The following COL23A1 variants were observed in gnomAD, a reference collection of about 807,000 sequenced individuals.
The protein encoded by COL23A1 is collagen type XXIII alpha 1 chain, also known as collagen alpha-1(XXIII) chain.
Under a neutral mutation model 99.3 loss-of-function variants are expected in COL23A1, and 97 were observed. The observed-to-expected ratio is 0.98, with a 90% CI of 0.83 to 1.16. COL23A1 has a LOEUF of 1.16. Ranked by LOEUF, COL23A1 falls within the 50% of genes most tolerant of loss-of-function variation. The pLI, the probability that COL23A1 is intolerant of heterozygous loss-of-function variation, is 0.00. For missense variants in COL23A1, 762 were observed against 757.4 expected, an observed-to-expected ratio of 1.01 and a Z score of -0.07; for synonymous variants, 320 against 308.2, an observed-to-expected ratio of 1.04 and a Z score of -0.40.
intron 2 of COL23A1, among the ~76,000 whole-genome samples, chr5:178,516,633 T>C (rs554120010): frequency 1.3e-5 from 2 of 152,344 alleles, no homozygotes; most frequent in East Asian, 1.9e-4. Context: ...CACGTACTGT[T>C]TGGTCTGACT....
chr5:178,324,525 C>A (rs1169197631), intron 2 of COL23A1, among the ~76,000 whole-genome samples: 1 of 152,084 alleles, frequency 6.6e-6, no homozygotes, highest in African/African-American at 2.4e-5. Context: ...GGAGCAGTGC[C>A]CAGTCCTGTT....
At chr5:178,261,808 C>CAGAAA in intron 10 of COL23A1, 60 bp from the exon 11 acceptor site, 1 of 1,370,622 alleles carries the variant, frequency 7.3e-7, no homozygotes, top group South Asian at 1.2e-5. Context: ...TGGGCCTGTC[C>CAGAAA]TTCTTAGCAT....
rs149403144 is a variant in COL23A1 at position 178,413,426 on chromosome 5, TAGAA to T, written c.362-106511_362-106508del. Among the ~76,000 whole-genome samples the T allele has an allele frequency of 8.7e-3, 1,327 of 152,320 alleles. 15 individuals carry two copies. The highest frequency in any genetic ancestry group is 0.03 in the African/African-American group (1,256 of 41,566). On this transcript the variant is annotated intron_variant, in intron 2 of 28. Transcript: ENST00000390654. ...ACCTTGAATTCAACGAGTCCTTTGATAGAAAGACAGAACTTTCTCAGTAAACTTT... is the reference window on the plus strand; with the variant it reads ...ACCTTGAATTCAACGAGTCCTTTGATAGACAGAACTTTCTCAGTAAACTTT...
In COL23A1 at chr5:178,384,608, G is replaced by A. The variant is rs1043733869; in HGVS notation, c.362-77689C>T. On this transcript the variant is annotated intron_variant, in intron 2 of 28. Coordinates refer to ENST00000390654, the MANE Select transcript of COL23A1 (RefSeq NM_173465.4). This position sits in a 1 kb window ranked among gnomAD's most constrained non-coding sequence, Gnocchi z 5.5. ...ATTCTGCTCCTGCCTCAGAGATCAC[G>A]GTTTGACATGGGAAACCAAGGCTCA... Among the ~76,000 whole-genome samples, 1 of 152,138 alleles carries A rather than the reference G, an allele frequency of 6.6e-6. No individual in the cohort carries two copies. The highest frequency in any genetic ancestry group is 2.1e-4 in the South Asian group (1 of 4,824).
At chr5:178,305,784 C>T (rs890917615) in intron 3 of COL23A1, among the ~76,000 whole-genome samples, 6 of 151,694 alleles carry the variant, frequency 4.0e-5, no homozygotes, top group Non-Finnish European at 5.9e-5. Flanking sequence ...CAGGAGGTCA[C>T]GGCAGTGAGA....
chr5:178,440,055 T>TG (rs1316628281), intron 2 of COL23A1: 1 of 152,176 alleles, frequency 6.6e-6, no homozygotes, highest in Non-Finnish European at 1.5e-5. Context: ...GGGCGCTTTT[T>TG]GGGGTGATGG....
intron 2 of COL23A1, among the ~76,000 whole-genome samples, chr5:178,330,367 C>T (rs777202392): frequency 2.0e-5 from 3 of 152,166 alleles, no homozygotes; most frequent in Admixed American, 6.5e-5. Flanking sequence ...GGGTGCAGAT[C>T]GAGCTATGGC....
intron 2 of COL23A1, among the ~76,000 whole-genome samples, chr5:178,325,808 G>T (rs1418316476): frequency 6.6e-6 from 1 of 152,232 alleles, no homozygotes; most frequent in African/African-American, 2.4e-5. Flanking sequence ...TGTCCACAGC[G>T]GCCTGTGCCT....
chr5:178,403,498 C>T (rs1315423116), intron 2 of COL23A1, among the ~76,000 whole-genome samples: 2 of 152,228 alleles, frequency 1.3e-5, no homozygotes, highest in Admixed American at 6.5e-5. Context: ...TCGATGGTGT[C>T]CACTCAGCCA....
intron 2 of COL23A1, among the ~76,000 whole-genome samples, chr5:178,534,879 T>G (rs982568052): frequency 6.6e-6 from 1 of 151,990 alleles, no homozygotes; most frequent in Non-Finnish European, 1.5e-5. Context: ...CCATAAAAAC[T>G]CTACCAGGTA....
intron 1 of COL23A1, among the ~76,000 whole-genome samples, chr5:178,567,795 G>A (rs73344490): frequency 0.029 from 4,366 of 152,194 alleles, 246 homozygotes; most frequent in African/African-American, 0.1. Flanking sequence ...ATAACGCAAA[G>A]AATAAATTAA....
chr5:178,412,858 C>G (rs1466587524), intron 2 of COL23A1, among the ~76,000 whole-genome samples: 2 of 152,084 alleles, frequency 1.3e-5, no homozygotes. Context: ...AAGCAGTTTT[C>G]TCAGAAATGC....
intron 2 of COL23A1, among the ~76,000 whole-genome samples, chr5:178,558,562 A>G (rs1762398024): frequency 6.6e-6 from 1 of 152,168 alleles, no homozygotes; most frequent in African/African-American, 2.4e-5. Context: ...CTTCTGTGCC[A>G]GCTCACAATT....
chr5:178,252,715 G>T, intron 16 of COL23A1, 118 bp from the exon 17 acceptor site: 2 of 828,730 alleles, frequency 2.4e-6, no homozygotes, highest in Non-Finnish European at 3.8e-6. Context: ...CAGGGGCAGG[G>T]TCCTTGGGGA....
At chr5:178,498,255 T>C (rs2546649) in intron 2 of COL23A1, among the ~76,000 whole-genome samples, 1 of 70,936 alleles carries the variant, frequency 1.4e-5, no homozygotes, top group Admixed American at 1.5e-4. Flanking sequence ...TATATATATA[T>C]ATAAAAGAAC....
chr5:178,465,429 A>G (rs1156992767), intron 2 of COL23A1, among the ~76,000 whole-genome samples: 1 of 152,116 alleles, frequency 6.6e-6, no homozygotes, highest in African/African-American at 2.4e-5. Context: ...TCTCTCTCAG[A>G]AGGTCAGGAA....
rs376718430 is a variant in COL23A1, at chr5:178,254,982, G to A, written c.927C>T (p.Ile309=). 330 of 1,613,536 alleles carry A rather than the reference G, an allele frequency of 2.0e-4. No individual in the cohort carries two copies. Among genetic ancestry groups the A allele is most frequent in the Non-Finnish European group, 2.7e-4 (320 of 1,179,780 alleles). The change falls in exon 16 of 29, where the codon ATC becomes ATT. Residue 309 remains isoleucine (I), a synonymous_variant. Coordinates refer to ENST00000390654, the MANE Select transcript of COL23A1 (RefSeq NM_173465.4). Reference sequence around the variant, plus strand: ...CATCCAAGATCCTGCCATCATAGTCGATCACCACTGTGTCTCCCTGCTCGC... The same window carrying A: ...CATCCAAGATCCTGCCATCATAGTCAATCACCACTGTGTCTCCCTGCTCGC... ...LKGEQGDTVV[I]DYDGRILDAL... is the part of the protein sequence containing the mutation.
At chr5:178,549,513 G>A (rs1229078936) in intron 2 of COL23A1, among the ~76,000 whole-genome samples, 1 of 152,042 alleles carries the variant, frequency 6.6e-6, no homozygotes, top group Non-Finnish European at 1.5e-5. Context: ...CCTTGGCTCT[G>A]TCTAAAACAT....
intron 2 of COL23A1, among the ~76,000 whole-genome samples, chr5:178,421,440 T>C (rs1465367016): frequency 4.0e-5 from 6 of 151,558 alleles, no homozygotes. Context: ...AATTTGGTAA[T>C]GGATTAAAGT....
Sources: allele counts gnomAD v4.1 joint callset (sites outside exome capture counted in the v4.1 genomes callset), GRCh38; gene constraint gnomAD v4.1.1; non-coding constraint Gnocchi (gnomAD v3.1); transcripts MANE v1.5; gene names NCBI Gene and HGNC (gene_info 2026-07-23, HGNC 2026-07-21).